CCDC144A: variants seen among roughly 807,000 people sequenced by gnomAD.
CCDC144A encodes coiled-coil domain-containing protein 144A.
Under a neutral mutation model 143.8 loss-of-function variants are expected in CCDC144A, and 41 were observed. The observed-to-expected ratio is 0.29, with a 90% CI of 0.22 to 0.37. The LOEUF is 0.37. Among genes scored for constraint, CCDC144A ranks in the 10% least tolerant of loss-of-function variants. The probability of loss-of-function intolerance (pLI) is 1.00; values close to 1 mark genes in which losing one functional copy is unlikely to be tolerated. For synonymous variants in CCDC144A, 242 were observed against 517.9 expected (o/e 0.47, Z 7.23); for missense variants, 637 against 1,488.8 (o/e 0.43, Z 9.41).
intron 12 of CCDC144A, among the ~76,000 whole-genome samples, chr17:16,752,219 GT>G (rs1174009483): frequency 6.6e-6 from 1 of 152,194 alleles, no homozygotes; most frequent in African/African-American, 2.4e-5. Flanking sequence ...CGCGAGCCGT[GT>G]TGTGAACTGT....
chr17:16,754,722 G>C (rs1264346248), intron 12 of CCDC144A, among the ~76,000 whole-genome samples: 1 of 152,224 alleles, frequency 6.6e-6, no homozygotes, highest in Non-Finnish European at 1.5e-5. Flanking sequence ...ACAGTGTTCT[G>C]TAAGTGTCTG....
At chr17:16,746,757 C>A (rs1309310967) in intron 12 of CCDC144A, 297 of 1,607,750 alleles carry the variant, frequency 1.8e-4, no homozygotes, top group Non-Finnish European at 2.5e-4. Flanking sequence ...CGGCAGATGA[C>A]CACCTGCGGG....
chr17:16,746,646 G>A, intron 12 of CCDC144A: 1 of 1,612,386 alleles, frequency 6.2e-7, no homozygotes, highest in Non-Finnish European at 8.5e-7. Flanking sequence ...TAGAGATGAG[G>A]ATAAAGACTC....
intron 12 of CCDC144A, among the ~76,000 whole-genome samples, chr17:16,756,585 A>T (rs1915098726): frequency 6.8e-6 from 1 of 147,786 alleles, no homozygotes; most frequent in Non-Finnish European, 1.5e-5. Context: ...ATTATTGTGT[A>T]TCTCGCTATG....
chr17:16,696,435 T>A (rs1310025721), intron 2 of CCDC144A, among the ~76,000 whole-genome samples: 1 of 150,638 alleles, frequency 6.6e-6, no homozygotes, highest in Non-Finnish European at 1.5e-5. Context: ...ATCGAGACCA[T>A]CCTGGCCAAC....
rs767269404 is a variant in CCDC144A at position 16,727,717 on chromosome 17, G to A, written c.2082G>A (p.Trp694Ter). Reference protein sequence around the residue: ...KLQLELQKIEWEKELYDLRLA... With the variant: ...KLQLELQKIE ...AGTTAGAACTTCAAAAAATTGAATG[G>A]GAGAAAGAGCTGTACGATTTGAGGT... Residue 694 changes from tryptophan (W) to a stop codon, truncating the protein, a stop_gained, in exon 9 of 17, where the codon TGG becomes TGA. Transcript: ENST00000399273. LOFTEE classifies it high-confidence loss of function. 6.9e-6 allele frequency: 11 copies of A among 1,592,922 alleles called. No homozygotes were observed. The African/African-American group carries it at 1.4e-4, about 21-fold the overall frequency.
chr17:16,723,040 A>AT (rs56934581), intron 8 of CCDC144A, among the ~76,000 whole-genome samples: 24,391 of 147,836 alleles, frequency 0.16, 2,949 homozygotes, highest in African/African-American at 0.33. Context: ...TTTCTCCTCT[A>AT]TTTTTTTTTT....
intron 6 of CCDC144A, among the ~76,000 whole-genome samples, chr17:16,719,240 G>A (rs1912950581): frequency 6.6e-6 from 1 of 152,042 alleles, no homozygotes; most frequent in South Asian, 2.1e-4. Context: ...AGCATGTATT[G>A]TGTGCTCAAT....
At chr17:16,754,079 G>A (rs1413941191) in intron 12 of CCDC144A, among the ~76,000 whole-genome samples, 2 of 152,132 alleles carry the variant, frequency 1.3e-5, no homozygotes, top group Non-Finnish European at 2.9e-5. Context: ...TTCCAGGAAT[G>A]TATCCATTTT....
intron 15 of CCDC144A, among the ~76,000 whole-genome samples, chr17:16,770,757 A>T (rs891008875): frequency 2.6e-5 from 4 of 152,100 alleles, no homozygotes; most frequent in African/African-American, 7.2e-5. Flanking sequence ...TAAAGGAAGG[A>T]TCAGTGCTCT....
Position 16,709,250 on chromosome 17 carries a change from A to T in CCDC144A, c.1193A>T (p.Glu398Val). ...TCATCTTCTAAGTTTCATTTACATG[A>T]AAATAAATTAGACTGCGACAATGAT... ...CQSSSKFHLH[E>V]NKLDCDNDNK... Residue 398 changes from glutamate (E) to valine (V), a missense_variant, in exon 5 of 17, where the codon GAA (glutamate) becomes GTA (valine). Glu to Val is a moderately radical substitution (Grantham distance 121, BLOSUM62 -2). Transcript: ENST00000399273. The T allele has an allele frequency of 6.2e-7, 1 of 1,611,760 alleles. No homozygotes were observed. Among genetic ancestry groups the T allele is most frequent in the Admixed American group, 1.7e-5 (1 of 60,020 alleles).
chr17:16,687,375 A>G (rs1910821224), upstream of CCDC144A, among the ~76,000 whole-genome samples: 1 of 152,024 alleles, frequency 6.6e-6, no homozygotes, highest in Admixed American at 6.6e-5. Context: ...CCGCAGGGAT[A>G]ACATTCTCAG....
At chr17:16,667,319 GAGGCTGAGGA>G in the CCDC144A span, among the ~76,000 whole-genome samples, 1 of 144,098 alleles carries the variant, frequency 6.9e-6, no homozygotes, top group African/African-American at 2.7e-5. Flanking sequence ...AGGGGCTGAG[GAGGCTGAGGA>G]GGCTGAGGCG....
chr17:16,702,227 T>A (rs1313775386), intron 2 of CCDC144A, among the ~76,000 whole-genome samples: 1 of 152,204 alleles, frequency 6.6e-6, no homozygotes, highest in Non-Finnish European at 1.5e-5. Context: ...CAGGTAGTAC[T>A]CCCTGGCAAC....
At chr17:16,697,641 A>T (rs1313451638) in intron 2 of CCDC144A, among the ~76,000 whole-genome samples, 1 of 152,272 alleles carries the variant, frequency 6.6e-6, no homozygotes, top group Non-Finnish European at 1.5e-5. Context: ...TTTTCTTGGC[A>T]TGATGCCTTT....
At chr17:16,691,349 A>G (rs1911058836) in intron 1 of CCDC144A, among the ~76,000 whole-genome samples, 1 of 152,176 alleles carries the variant, frequency 6.6e-6, no homozygotes, top group Admixed American at 6.5e-5. Flanking sequence ...GGAATGTCCC[A>G]TATTATCCTT....
chr17:16,686,154 G>A (rs1887290432), upstream of CCDC144A, among the ~76,000 whole-genome samples: 2 of 147,602 alleles, frequency 1.4e-5, no homozygotes, highest in African/African-American at 2.5e-5. Flanking sequence ...GAGTGCCAGT[G>A]GCGCGATTTC....
Position 16,757,803 on chromosome 17 carries a change from C to G in CCDC144A, c.3373-3622C>G, listed in dbSNP as rs549624500. On this transcript the variant is annotated intron_variant, in intron 12 of 16. Coordinates refer to ENST00000399273, the MANE Select transcript of CCDC144A (RefSeq NM_001382000.1). ...GCTCTAGACAGCACACACTTAGGAT[C>G]CCTTTGACCTAGAGTAGCTTCCCTG... 3.3e-5 allele frequency among the ~76,000 whole-genome samples: 5 copies of G among 152,320 alleles called. No individual in the cohort carries two copies. In the East Asian group the frequency reaches 9.7e-4, roughly 29 times the overall value.
At chr17:16,759,403 G>A (rs908303926) in intron 12 of CCDC144A, among the ~76,000 whole-genome samples, 1 of 152,126 alleles carries the variant, frequency 6.6e-6, no homozygotes, top group Non-Finnish European at 1.5e-5. Flanking sequence ...ATGGTGAGTC[G>A]AACCATGCTA....
Sources: gnomAD v4.1 joint callset for allele counts (sites outside exome capture counted in the v4.1 genomes callset) on GRCh38, gnomAD v4.1.1 for gene constraint, MANE v1.5 for transcripts, NCBI Gene and HGNC (gene_info 2026-07-23, HGNC 2026-07-21) for gene names.